Variants in AADAT observed in about 807,000 individuals in gnomAD.
AADAT encodes the protein kynurenine/alpha-aminoadipate aminotransferase, mitochondrial.
In AADAT, 25 loss-of-function variants were observed where a neutral mutation model predicts 56.2. That is an observed-to-expected ratio of 0.44 (90% CI 0.32 to 0.62). The LOEUF is 0.62. Ranked by LOEUF, AADAT falls within the 20% of genes least tolerant of loss-of-function variation. The probability of loss-of-function intolerance (pLI) is 0.04; values close to 1 mark genes in which losing one functional copy is unlikely to be tolerated. For synonymous variants in AADAT, 173 were observed against 164.7 expected, an observed-to-expected ratio of 1.05 and a Z score of -0.39; for missense variants, 387 against 510.5, an observed-to-expected ratio of 0.76 and a Z score of 2.33.
At chr4:170,093,686 C>CAGTG (rs1732933958), upstream of AADAT, among the ~76,000 whole-genome samples, 1 of 152,170 alleles carries the variant, frequency 6.6e-6, no homozygotes, top group Non-Finnish European at 1.5e-5. Flanking sequence ...GCCTCGTCTT[C>CAGTG]CCGGGCTCAA....
At chr4:170,092,331 C>A (rs915878470), upstream of AADAT, among the ~76,000 whole-genome samples, 2 of 152,224 alleles carry the variant, frequency 1.3e-5, no homozygotes, top group Admixed American at 1.3e-4. Flanking sequence ...ACCACGCACC[C>A]ACAGGGAGGA....
intron 6 of AADAT, 21 bp downstream of exon 6, chr4:170,070,566 T>G (rs1009734523): frequency 6.4e-7 from 1 of 1,551,314 alleles, no homozygotes. Flanking sequence ...AATAGTGAAG[T>G]AAGTTCACAT....
At chr4:170,077,315 A>G (rs1018416692) in intron 4 of AADAT, among the ~76,000 whole-genome samples, 2 of 152,142 alleles carry the variant, frequency 1.3e-5, no homozygotes, top group African/African-American at 2.4e-5. Context: ...AAGTCTTCCA[A>G]TCTATGAACT....
rs1439397784 is a variant in AADAT, at chr4:170,078,539, A to T, written c.414T>A (p.Asp138Glu). ...IINPGDNVLL[D>E]EPAYSGTLQS... The stretch of plus-strand genomic sequence containing the variant: ...GAAGAGTTCCTGAATAAGCAGGTTC[A>T]TCTAGGAGGACATTATCTCCAGGAT... The change falls in exon 4 of 13, where the codon GAT becomes GAA. Residue 138 changes from aspartate (D) to glutamate (E), a missense_variant. Coordinates refer to ENST00000337664, the MANE Select transcript of AADAT (RefSeq NM_016228.4). 1 of 1,608,924 alleles carries T rather than the reference A, an allele frequency of 6.2e-7. No homozygotes were observed. The highest frequency in any genetic ancestry group is 8.5e-7 in the Non-Finnish European group (1 of 1,177,360).
chr4:170,076,156 G>A (rs1240407689), intron 4 of AADAT, among the ~76,000 whole-genome samples: 2 of 152,088 alleles, frequency 1.3e-5, no homozygotes, highest in African/African-American at 2.4e-5. Flanking sequence ...AATTTTCTGA[G>A]GAACTGACAA....
In AADAT at chr4:170,073,507, A is replaced by T. The variant is rs1314417295; in HGVS notation, c.445-162T>A. ...TCCTGAGGGTTGAGGTTACACATTT[A>T]TTTATTTTTTTTTTTGAGATGGAGT... On this transcript the variant is annotated intron_variant, in intron 4 of 12. Coordinates refer to ENST00000337664, the MANE Select transcript of AADAT (RefSeq NM_016228.4). 1.0e-3 allele frequency among the ~76,000 whole-genome samples: 153 copies of T among 146,580 alleles called. 2 individuals carry two copies. Among genetic ancestry groups the T allele is most frequent in the Admixed American group, 8.4e-3 (124 of 14,700 alleles).
chr4:170,079,446 T>C (rs534141777), intron 3 of AADAT, among the ~76,000 whole-genome samples: 4 of 152,216 alleles, frequency 2.6e-5, no homozygotes, highest in South Asian at 2.1e-4. Context: ...AAAAGATCAA[T>C]CTGGCTGCAG....
chr4:170,071,558 T>C (rs957001247), intron 5 of AADAT, among the ~76,000 whole-genome samples: 2 of 152,166 alleles, frequency 1.3e-5, no homozygotes, highest in Non-Finnish European at 2.9e-5. Flanking sequence ...AATTTGGGCT[T>C]TATTTTAACT....
chr4:170,066,611 A>G, intron 9 of AADAT, 133 bp from the exon 10 acceptor site: 2 of 649,064 alleles, frequency 3.1e-6, no homozygotes, highest in Non-Finnish European at 5.5e-6. Flanking sequence ...AGAAGAATGG[A>G]GCATATTTGT....
intron 1 of AADAT, among the ~76,000 whole-genome samples, chr4:170,089,007 ATTG>A (rs1581601206): frequency 1.3e-5 from 2 of 152,226 alleles, no homozygotes; most frequent in Non-Finnish European, 2.9e-5. Flanking sequence ...AAATAATTCT[ATTG>A]TTCATAAATT....
chr4:170,069,308 G>T, intron 6 of AADAT, 78 bp from the exon 7 acceptor site: 3 of 1,136,480 alleles, frequency 2.6e-6, no homozygotes, highest in Non-Finnish European at 3.9e-6. Context: ...ATAGAGAGTA[G>T]AACAGGAGAT....
chr4:170,065,346 T>C (rs562136939), intron 10 of AADAT, among the ~76,000 whole-genome samples: 52 of 152,264 alleles, frequency 3.4e-4, no homozygotes, highest in Non-Finnish European at 6.3e-4. Context: ...GGGCTTTACG[T>C]TTCATTGAGT....
Position 170,089,614 on chromosome 4 carries a change from C to G in AADAT, c.67+10G>C. 6.2e-7 allele frequency: 1 copy of G among 1,614,132 alleles called. No homozygotes were observed. The highest frequency in any genetic ancestry group is 8.5e-7 in the Non-Finnish European group (1 of 1,179,998). On this transcript the variant is annotated intron_variant, in intron 1 of 12. Transcript: ENST00000337664. ...CACCCCAAAGGAGAGATGGTCACCC[C>G]GTTTCTCACTCATGGTCCGGATGGG...
intron 3 of AADAT, among the ~76,000 whole-genome samples, chr4:170,082,177 G>A (rs889165220): frequency 2.0e-5 from 3 of 152,118 alleles, no homozygotes; most frequent in Non-Finnish European, 4.4e-5. Context: ...AAGCCTAAAC[G>A]ACAAATTGAT....
At chr4:170,066,549 C>G in intron 9 of AADAT, 71 bp from the exon 10 acceptor site, 1 of 1,096,560 alleles carries the variant, frequency 9.1e-7, no homozygotes, top group Non-Finnish European at 1.4e-6. Context: ...TCTCCAGAGT[C>G]CAGGCTATAA....
In AADAT at chr4:170,068,707, G is replaced by C. The variant is rs1446971275; in HGVS notation, c.804-20C>G. The C allele has an allele frequency of 3.4e-6, 5 of 1,471,818 alleles. No homozygotes were observed. Among genetic ancestry groups the C allele is most frequent in the Non-Finnish European group, 4.7e-6 (5 of 1,075,164 alleles). The allele number at this position is 1,471,818 out of a possible 1,614,324, so 91.2% of individuals were successfully genotyped here. Reference sequence around the variant, plus strand: ...CTCAACCTACGTGGAAAGAGAAAAGGCACGATACCAATTCCATATTAACAA... The same window carrying C: ...CTCAACCTACGTGGAAAGAGAAAAGCCACGATACCAATTCCATATTAACAA... On this transcript the variant is annotated intron_variant, in intron 7 of 12. Transcript: ENST00000337664.
Position 170,073,291 on chromosome 4 carries a change from C to T in AADAT, c.499G>A (p.Val167Ile). 2 of 1,614,076 alleles carry T rather than the reference C, an allele frequency of 1.2e-6. No homozygotes were observed. Among genetic ancestry groups the T allele is most frequent in the Non-Finnish European group, 1.7e-6 (2 of 1,180,004 alleles). ...AGTATGTCTCTTAGGGAATCTGGAA[C>T]AATCCCACTTTCATCACTGGCAACA... The part of the protein sequence containing the change: ...INVASDESGI[V>I]PDSLRDILSR... The change falls in exon 5 of 13, where the codon GTT becomes ATT. Residue 167 changes from valine to isoleucine, a missense_variant. Val to Ile is a conservative substitution (Grantham distance 29). Transcript: ENST00000337664.
upstream of AADAT, among the ~76,000 whole-genome samples, chr4:170,091,217 G>A (rs1022546963): frequency 6.6e-6 from 1 of 152,132 alleles, no homozygotes; most frequent in African/African-American, 2.4e-5. Context: ...CTCAGCCTGC[G>A]GGGAGGTGTG....
Position 170,060,826 on chromosome 4 carries a change from T to C in AADAT, c.*102A>G, listed in dbSNP as rs913499928. On this transcript the variant is annotated 3_prime_UTR_variant, in exon 13 of 13. Transcript: ENST00000337664. ...GTGCAGTGGTGTGATCGTAGCTTAC[T>C]GCAGCCTTGAATTCCTGGGTTCAAG... is the stretch of plus-strand genomic sequence containing the variant. 4 of 972,784 alleles carry C rather than the reference T, an allele frequency of 4.1e-6. No homozygotes were observed. Among genetic ancestry groups the C allele is most frequent in the Non-Finnish European group, 6.0e-6 (4 of 671,342 alleles). 60.3% of individuals were successfully genotyped at this position (972,784 alleles called of 1,614,324 possible).
Sources: allele counts gnomAD v4.1 joint callset (sites outside exome capture counted in the v4.1 genomes callset), GRCh38; gene constraint gnomAD v4.1.1; transcripts MANE v1.5; gene names NCBI Gene and HGNC (gene_info 2026-07-23, HGNC 2026-07-21).